Variants in TMTC1 observed in about 807,000 individuals in gnomAD.
TMTC1 encodes transmembrane O-mannosyltransferase targeting cadherins 1, also known as protein O-mannosyl-transferase TMTC1.
A neutral mutation model predicts 104.8 loss-of-function variants in TMTC1; 73 were observed. That is an observed-to-expected ratio of 0.70 (90% CI 0.58 to 0.85). The LOEUF (loss-of-function observed/expected upper bound fraction) is 0.85, where lower values mean the gene tolerates loss of function less well. Ranked by LOEUF, TMTC1 falls within the 40% of genes least tolerant of loss-of-function variation. The pLI is 0.00. For synonymous variants in TMTC1, 434 were observed against 428.7 expected, an observed-to-expected ratio of 1.01 and a Z score of -0.15; for missense variants, 1,035 against 1,096.1, an observed-to-expected ratio of 0.94 and a Z score of 0.79.
At chr12:29,692,017 C>T (rs977011914) in intron 5 of TMTC1, among the ~76,000 whole-genome samples, 1 of 145,128 alleles carries the variant, frequency 6.9e-6, no homozygotes, top group Non-Finnish European at 1.5e-5. Context: ...AAAGCACTCT[C>T]AGCTCATGAG....
chr12:29,738,011 T>C (rs1316413639), intron 5 of TMTC1, among the ~76,000 whole-genome samples: 1 of 152,188 alleles, frequency 6.6e-6, no homozygotes, highest in Non-Finnish European at 1.5e-5. Flanking sequence ...CCCTTTCTTC[T>C]CCAACTGTAG....
At chr12:29,731,216 GTGCAATCTAGGCTCAC>G (rs1372692179) in intron 5 of TMTC1, among the ~76,000 whole-genome samples, 1 of 152,190 alleles carries the variant, frequency 6.6e-6, no homozygotes, top group Admixed American at 6.6e-5. Flanking sequence ...GAGTGCAGTG[GTGCAATCTAGGCTCAC>G]TGCAACCTCC....
chr12:29,705,499 G>A (rs973865984), intron 5 of TMTC1, among the ~76,000 whole-genome samples: 1 of 152,262 alleles, frequency 6.6e-6, no homozygotes, highest in African/African-American at 2.4e-5. Flanking sequence ...TCAGTCACTG[G>A]AGACGCATCA....
intron 7 of TMTC1, among the ~76,000 whole-genome samples, chr12:29,590,259 G>A (rs568021850): frequency 5.3e-4 from 81 of 151,828 alleles, no homozygotes; most frequent in Middle Eastern, 6.9e-3. Context: ...AAATGAGACT[G>A]CAATCACATC....
At chr12:29,525,685 G>A (rs1240755775) in intron 11 of TMTC1, among the ~76,000 whole-genome samples, 1 of 152,032 alleles carries the variant, frequency 6.6e-6, no homozygotes, top group African/African-American at 2.4e-5. Context: ...AAGTAAATGA[G>A]GTTTTGTTAT....
chr12:29,668,454 CTTTTTTTTTTT>C (rs66652706), intron 5 of TMTC1, among the ~76,000 whole-genome samples: 1 of 90,090 alleles, frequency 1.1e-5, no homozygotes, highest in African/African-American at 4.5e-5. Flanking sequence ...ACCAACTTAT[CTTTTTTTTTTT>C]TTTTTTTTTT....
At chr12:29,597,085 G>A (rs1020955266) in intron 7 of TMTC1, among the ~76,000 whole-genome samples, 7 of 152,094 alleles carry the variant, frequency 4.6e-5, no homozygotes, top group East Asian at 1.9e-4. Context: ...CAAGCCATCC[G>A]CAGTATCATC....
In TMTC1 at chr12:29,506,377, T is replaced by A. The variant is rs1592140577; in HGVS notation, c.*469A>T. On this transcript the variant is annotated 3_prime_UTR_variant, in exon 18 of 18. Coordinates refer to ENST00000539277, the MANE Select transcript of TMTC1 (RefSeq NM_001193451.2). ...TCATTCCTGGTTCTGGAAAATTAAATAAGCCAATTCTTGGTAGGATTTTCC... is the reference window on the plus strand; with the variant it reads ...TCATTCCTGGTTCTGGAAAATTAAAAAAGCCAATTCTTGGTAGGATTTTCC... The A allele has an allele frequency of 1.3e-5, 2 of 154,316 alleles. No homozygotes were observed. The highest frequency in any genetic ancestry group is 6.8e-3 in the Middle Eastern group (2 of 294). 9.6% of individuals were successfully genotyped at this position (154,316 alleles called of 1,614,324 possible). A position where few individuals can be genotyped will look rare whatever the true frequency, so the allele number is the denominator to read the frequency against.
At chr12:29,574,427 C>T (rs1478456082) in intron 8 of TMTC1, among the ~76,000 whole-genome samples, 1 of 152,098 alleles carries the variant, frequency 6.6e-6, no homozygotes, top group South Asian at 2.1e-4. Flanking sequence ...TTCTCAGAGA[C>T]ATTAAAAACC....
At position 29,643,455 on chromosome 12, in the gene TMTC1, T is replaced by TGTG. The variant is rs71045822; in HGVS notation, c.939-10120_939-10119insCAC. Among the ~76,000 whole-genome samples the TGTG allele has an allele frequency of 4.3e-3, 557 of 129,810 alleles. 28 individuals carry two copies. The highest frequency in any genetic ancestry group is 0.015 in the African/African-American group (511 of 34,078). The allele number at this position is 129,810 out of a possible 152,430, so 85.2% of individuals were successfully genotyped here. ...GATATATATATATATATCACATATA[T>TGTG]ATGATGGAATATATATATGATGGAA... On this transcript the variant is annotated intron_variant, in intron 5 of 17. Transcript: ENST00000539277.
intron 4 of TMTC1, among the ~76,000 whole-genome samples, chr12:29,753,991 C>T (rs541550711): frequency 6.6e-6 from 1 of 152,242 alleles, no homozygotes; most frequent in East Asian, 1.9e-4. Flanking sequence ...CTCAGCCTCC[C>T]GAGTAGCTGG....
At chr12:29,671,523 C>T (rs1374127251) in intron 5 of TMTC1, among the ~76,000 whole-genome samples, 1 of 152,028 alleles carries the variant, frequency 6.6e-6, no homozygotes. Flanking sequence ...GCATACTGTG[C>T]GACAGACACT....
intron 7 of TMTC1, among the ~76,000 whole-genome samples, chr12:29,586,691 A>C (rs1946143822): frequency 6.7e-6 from 1 of 149,566 alleles, no homozygotes; most frequent in Non-Finnish European, 1.5e-5. Context: ...TATTGAGATA[A>C]TCATGTGGTT....
At chr12:29,619,927 C>T (rs1947086228) in intron 6 of TMTC1, among the ~76,000 whole-genome samples, 1 of 152,166 alleles carries the variant, frequency 6.6e-6, no homozygotes, top group Non-Finnish European at 1.5e-5. Context: ...CTCCCTGTCA[C>T]TCAAGGTAAA....
intron 5 of TMTC1, among the ~76,000 whole-genome samples, chr12:29,677,371 A>T (rs1940766213): frequency 6.6e-6 from 1 of 152,216 alleles, no homozygotes; most frequent in Admixed American, 6.5e-5. Context: ...AGTTATTTCC[A>T]TACATAAAAT....
chr12:29,534,903 A>T (rs1234693213), intron 11 of TMTC1: 2 of 151,690 alleles, frequency 1.3e-5, no homozygotes, highest in African/African-American at 4.9e-5. Context: ...TGGGCTGCGG[A>T]AGGTTCCTAT....
intron 1 of TMTC1, among the ~76,000 whole-genome samples, chr12:29,773,256 T>C (rs1014563536): frequency 1.3e-5 from 2 of 152,078 alleles, no homozygotes; most frequent in Non-Finnish European, 2.9e-5. Context: ...GGAAAGGGTA[T>C]GGGGTCACAA....
intron 17 of TMTC1, among the ~76,000 whole-genome samples, chr12:29,507,940 C>A (rs1169042871): frequency 6.6e-6 from 1 of 152,206 alleles, no homozygotes; most frequent in East Asian, 1.9e-4. Flanking sequence ...ACATTTCCAT[C>A]ACAATTAAAA....
At chr12:29,597,487 G>GTCGGGCCC (rs1015153182) in intron 7 of TMTC1, among the ~76,000 whole-genome samples, 2 of 151,920 alleles carry the variant, frequency 1.3e-5, no homozygotes, top group African/African-American at 4.8e-5. Flanking sequence ...TAGGGCCACT[G>GTCGGGCCC]TCGGGCCCTC....
Sources: allele counts gnomAD v4.1 joint callset (sites outside exome capture counted in the v4.1 genomes callset), GRCh38; gene constraint gnomAD v4.1.1; transcripts MANE v1.5; gene names NCBI Gene and HGNC (gene_info 2026-07-23, HGNC 2026-07-21).